The following LTBP1 variants were observed in gnomAD, a reference collection of about 807,000 sequenced individuals.
The protein encoded by LTBP1 is latent-transforming growth factor beta-binding protein 1.
In LTBP1, 129 loss-of-function variants were observed where a neutral mutation model predicts 207.6. The ratio of observed to expected loss-of-function variants is 0.62; its 90% CI spans 0.54 to 0.72. LTBP1 has a LOEUF of 0.72. Ranked by LOEUF, LTBP1 falls within the 30% of genes least tolerant of loss-of-function variation. LTBP1 has a pLI of 0.00. For missense variants in LTBP1, 2,281 were observed against 2,217.2 expected, an observed-to-expected ratio of 1.03 and a Z score of -0.58; for synonymous variants, 963 against 833.7, an observed-to-expected ratio of 1.16 and a Z score of -2.67.
intron 10 of LTBP1, among the ~76,000 whole-genome samples, chr2:33,249,057 T>G (rs1333889956): frequency 1.3e-5 from 2 of 152,098 alleles, no homozygotes; most frequent in African/African-American, 4.8e-5. Flanking sequence ...TAATGTGGAA[T>G]TTCATCCAAG....
At chr2:33,113,403 G>C (rs1354904739) in intron 4 of LTBP1, among the ~76,000 whole-genome samples, 1 of 152,064 alleles carries the variant, frequency 6.6e-6, no homozygotes, top group African/African-American at 2.4e-5. Flanking sequence ...AAGAGATGAG[G>C]ATGGAGGTGA....
At chr2:33,133,360 C>T (rs2081934450) in intron 4 of LTBP1, among the ~76,000 whole-genome samples, 1 of 152,140 alleles carries the variant, frequency 6.6e-6, no homozygotes, top group South Asian at 2.1e-4. Context: ...GCCTCTCTCC[C>T]CTTTGGCCAC....
intron 2 of LTBP1, among the ~76,000 whole-genome samples, chr2:32,992,533 A>T (rs956096413): frequency 2.3e-4 from 35 of 152,344 alleles, no homozygotes; most frequent in African/African-American, 8.2e-4. Flanking sequence ...CAGAGCTCAG[A>T]CAGGCTTGAT....
intron 31 of LTBP1, among the ~76,000 whole-genome samples, chr2:33,365,739 A>G (rs1014032784): frequency 6.6e-6 from 1 of 151,828 alleles, no homozygotes; most frequent in African/African-American, 2.4e-5. Flanking sequence ...CCATTACCCC[A>G]ATGAATGATA....
chr2:33,024,325 G>C (rs1447555137), intron 3 of LTBP1, among the ~76,000 whole-genome samples: 1 of 152,104 alleles, frequency 6.6e-6, no homozygotes, highest in African/African-American at 2.4e-5. Context: ...AAGAGTGAGG[G>C]GTGTGGCAGT....
chr2:33,231,307 T>C (rs2091773180), intron 9 of LTBP1, among the ~76,000 whole-genome samples: 1 of 152,200 alleles, frequency 6.6e-6, no homozygotes, highest in African/African-American at 2.4e-5. Context: ...ATGAAACCGA[T>C]ACATTGAGGC....
chr2:33,397,674 A>ATTTTTTTTTTT, intron 33 of LTBP1, among the ~76,000 whole-genome samples: 1 of 117,498 alleles, frequency 8.5e-6, no homozygotes, highest in Non-Finnish European at 1.7e-5. Context: ...CACCCGGCTA[A>ATTTTTTTTTTT]TTTTTTTTTT....
chr2:33,351,900 A>G (rs2149838115), intron 26 of LTBP1, among the ~76,000 whole-genome samples: 1 of 152,254 alleles, frequency 6.6e-6, no homozygotes, highest in East Asian at 1.9e-4. Context: ...CTGTCAAATT[A>G]TTTATGTTAT....
chr2:33,201,310 A>G (rs941159186), intron 7 of LTBP1, among the ~76,000 whole-genome samples: 1 of 152,204 alleles, frequency 6.6e-6, no homozygotes, highest in Non-Finnish European at 1.5e-5. Context: ...AAAAATGATG[A>G]GTTCATGTCC....
intron 24 of LTBP1, among the ~76,000 whole-genome samples, chr2:33,334,377 T>G (rs912665274): frequency 6.6e-6 from 1 of 152,224 alleles, no homozygotes; most frequent in Non-Finnish European, 1.5e-5. Flanking sequence ...TTGGACTGTT[T>G]CATTAGGTAA....
intron 9 of LTBP1, among the ~76,000 whole-genome samples, chr2:33,229,965 T>C (rs2091694257): frequency 6.6e-6 from 1 of 152,248 alleles, no homozygotes; most frequent in African/African-American, 2.4e-5. Flanking sequence ...TTTCATTCAG[T>C]AAATCTATTG....
intron 7 of LTBP1, among the ~76,000 whole-genome samples, chr2:33,192,494 C>A (rs1002728281): frequency 1.3e-5 from 2 of 151,044 alleles, no homozygotes; most frequent in Non-Finnish European, 2.9e-5. Context: ...CAGACATTGA[C>A]AACGTAGGGC....
chr2:33,207,858 G>T (rs1352544965), intron 7 of LTBP1, among the ~76,000 whole-genome samples: 1 of 152,158 alleles, frequency 6.6e-6, no homozygotes, highest in African/African-American at 2.4e-5. Flanking sequence ...TTGATTCAGG[G>T]GCTAGAAGAA....
At chr2:33,352,800 A>ATCTTCTGTAATG (rs1478361958) in intron 26 of LTBP1, among the ~76,000 whole-genome samples, 1 of 151,986 alleles carries the variant, frequency 6.6e-6, no homozygotes, top group Non-Finnish European at 1.5e-5. Flanking sequence ...AATACCCTTT[A>ATCTTCTGTAATG]TCTTCTGTAA....
At chr2:32,959,861 T>G (rs896175157) in intron 2 of LTBP1, among the ~76,000 whole-genome samples, 1 of 151,664 alleles carries the variant, frequency 6.6e-6, no homozygotes, top group Non-Finnish European at 1.5e-5. Context: ...CCTCAGGTAA[T>G]CTACCTGCCT....
chr2:33,360,694 T>C lies in LTBP1; in HGVS notation c.4098T>C (p.Asn1366=), dbSNP rs950725729. 6.2e-7 allele frequency: 1 copy of C among 1,613,870 alleles called. No individual in the cohort carries two copies. Among genetic ancestry groups the C allele is most frequent in the Non-Finnish European group, 8.5e-7 (1 of 1,179,720 alleles). The change falls in exon 27 of 34, where the codon AAT becomes AAC. Residue 1366 remains asparagine (N), a synonymous_variant. Transcript: ENST00000404816. ...ASLCDNVLAP[N]VTKQECCCTS... The stretch of plus-strand genomic sequence containing the variant: ...TCTGTGATAATGTGTTGGCCCCCAA[T>C]GTCACGAAACAAGAATGCTGCTGTA...
At chr2:32,954,168 A>G (rs1358738989) in intron 2 of LTBP1, among the ~76,000 whole-genome samples, 1 of 152,080 alleles carries the variant, frequency 6.6e-6, no homozygotes, top group Admixed American at 6.5e-5. Context: ...GTGCTGTGAC[A>G]TTCTTTCTTG....
At chr2:33,385,005 TG>T (rs1443266816) in intron 31 of LTBP1, among the ~76,000 whole-genome samples, 1 of 152,244 alleles carries the variant, frequency 6.6e-6, no homozygotes, top group South Asian at 2.1e-4. Context: ...TATTCTCTTC[TG>T]TTAACTTATT....
chr2:33,175,261 G>T (rs1362954398), intron 5 of LTBP1, among the ~76,000 whole-genome samples: 15 of 151,730 alleles, frequency 9.9e-5, no homozygotes, highest in African/African-American at 3.6e-4. Context: ...CTACTCATCT[G>T]ACAAAGGGCT....
Sources: gnomAD v4.1 joint callset for allele counts (sites outside exome capture counted in the v4.1 genomes callset) on GRCh38, gnomAD v4.1.1 for gene constraint, MANE v1.5 for transcripts, NCBI Gene and HGNC (gene_info 2026-07-23, HGNC 2026-07-21) for gene names.